The following ASB11 variants were observed in gnomAD, a reference collection of about 807,000 sequenced individuals.
ASB11 encodes the protein ankyrin repeat and SOCS box containing 11, also known as ankyrin repeat and SOCS box protein 11.
In ASB11, 17 loss-of-function variants were observed where a neutral mutation model predicts 20.1. That is an observed-to-expected ratio of 0.85 (90% CI 0.58 to 1.27). ASB11 has a LOEUF of 1.27. Among genes scored for constraint, ASB11 ranks in the 50% most tolerant of loss-of-function variants. The pLI is 0.00. For synonymous variants in ASB11, 107 were observed against 105.6 expected (o/e 1.01, Z -0.08); for missense variants, 259 against 256.9 (o/e 1.01, Z -0.06).
chrX:15,299,879 A>G (rs922750501), intron 2 of ASB11, among the ~76,000 whole-genome samples: 1 of 111,266 alleles, frequency 9.0e-6, no homozygotes, highest in African/African-American at 3.3e-5. Context: ...CCGAACTCCT[A>G]CTTACACGGC....
chrX:15,296,224 G>A (rs1402696050), intron 3 of ASB11, among the ~76,000 whole-genome samples: 1 of 109,355 alleles, frequency 9.1e-6, no homozygotes, highest in South Asian at 4.0e-4. Flanking sequence ...ACTCCAGCTT[G>A]GGCAACAGTG....
In ASB11 at chrX:15,313,480, C is replaced by A. The variant is rs183614805; in HGVS notation, c.181+1945G>T. ...GGGGGGATTCGTGTATATGTATACA[C>A]ACACACACACACATATACATATATA... On this transcript the variant is annotated intron_variant, in intron 1 of 6. Coordinates refer to ENST00000480796, the MANE Select transcript of ASB11 (RefSeq NM_080873.3). 9.8e-3 allele frequency among the ~76,000 whole-genome samples: 1,085 copies of A among 110,535 alleles called. 19 individuals carry two copies. The highest frequency in any genetic ancestry group is 0.034 in the African/African-American group (1,022 of 30,398).
Position 15,283,517 on chromosome X carries a change from G to A in ASB11, c.960C>T (p.Leu320=). ...GGAACACTTAGGACTATTGGTATAGGAGGAATCGTTCGAGTGGCTCTGGCA... is the reference window on the plus strand; with the variant it reads ...GGAACACTTAGGACTATTGGTATAGAAGGAATCGTTCGAGTGGCTCTGGCA... ...LHLPEPLERF[L]LYQ is the part of the protein sequence containing the mutation. Residue 320 remains leucine (L), a synonymous_variant, in exon 7 of 7, where the codon CTC becomes CTT. Transcript: ENST00000480796. 1 of 1,211,417 alleles carries A rather than the reference G, an allele frequency of 8.3e-7. No individual in the cohort carries two copies. Among genetic ancestry groups the A allele is most frequent in the African/African-American group, 1.7e-5 (1 of 57,800 alleles).
rs1004578512 is a variant in ASB11, at chrX:15,282,206, CAT to C, written c.*1297_*1298del. On this transcript the variant is annotated 3_prime_UTR_variant, in exon 7 of 7. Coordinates refer to ENST00000480796, the MANE Select transcript of ASB11 (RefSeq NM_080873.3). Reference sequence around the variant, plus strand: ...CTAGAAAAATTGGGGGAAAAAAAAACATGTGTGAAATGAGTCTTAGGATGATC... The same window carrying C: ...CTAGAAAAATTGGGGGAAAAAAAAACGTGTGAAATGAGTCTTAGGATGATC... 7 of 111,083 alleles carry C rather than the reference CAT, an allele frequency of 6.3e-5. No individual in the cohort carries two copies. Among genetic ancestry groups the C allele is most frequent in the East Asian group, 2.8e-4 (1 of 3,545 alleles). The allele number at this position is 111,083 out of a possible 1,213,427, so 9.2% of individuals were successfully genotyped here.
At chrX:15,305,194 G>T (rs1190260876) in intron 1 of ASB11, among the ~76,000 whole-genome samples, 1 of 111,950 alleles carries the variant, frequency 8.9e-6, no homozygotes, top group Non-Finnish European at 1.9e-5. Flanking sequence ...GTTAACACCA[G>T]TGATGGAACA....
intron 5 of ASB11, among the ~76,000 whole-genome samples, chrX:15,288,885 C>T (rs550716454): frequency 2.9e-3 from 286 of 99,028 alleles, no homozygotes; most frequent in Middle Eastern, 5.1e-3. Context: ...AACTTCATCT[C>T]AAAAAAAAAA....
intron 1 of ASB11, among the ~76,000 whole-genome samples, chrX:15,307,305 T>C (rs1337091116): frequency 8.9e-6 from 1 of 112,077 alleles, no homozygotes. Context: ...CCGTGTGATT[T>C]GGTTTCTATA....
chrX:15,304,146 C>T (rs1389518702), intron 1 of ASB11, among the ~76,000 whole-genome samples: 1 of 112,765 alleles, frequency 8.9e-6, no homozygotes, highest in Non-Finnish European at 1.9e-5. Flanking sequence ...GTGTTAAAAA[C>T]TCAGGTTTCC....
rs773872197 is a variant in ASB11 at position 15,283,603 on chromosome X, G to C, written c.874C>G (p.Arg292Gly). The C allele has an allele frequency of 2.5e-6, 3 of 1,210,059 alleles. No individual in the cohort carries two copies. Among genetic ancestry groups the C allele is most frequent in the Non-Finnish European group, 3.4e-6 (3 of 894,424 alleles). Residue 292 changes from arginine to glycine, a missense_variant, in exon 7 of 7, where the codon CGC becomes GGC. By Grantham distance (125) the Arg-to-Gly change is moderately radical (BLOSUM62 -2). Coordinates refer to ENST00000480796, the MANE Select transcript of ASB11 (RefSeq NM_080873.3). Reference sequence around the variant, plus strand: ...CCGAGACACTTCCGGACACACAGGCGGCAGAGCTGGGAAAGAGCAGGTGGG... The same window carrying C: ...CCGAGACACTTCCGGACACACAGGCCGCAGAGCTGGGAAAGAGCAGGTGGG... ...EGPPALSQLC[R>G]LCVRKCLGRA...
intron 1 of ASB11, among the ~76,000 whole-genome samples, chrX:15,312,427 A>AAAAC (rs1555942370): frequency 9.4e-6 from 1 of 106,053 alleles, no homozygotes; most frequent in East Asian, 2.9e-4. Context: ...CAAAAAAAAA[A>AAAAC]AAAAAAAAAC....
At chrX:15,286,663 C>CAAAAAA (rs764801887) in intron 6 of ASB11, among the ~76,000 whole-genome samples, 3 of 54,377 alleles carry the variant, frequency 5.5e-5, no homozygotes, top group African/African-American at 2.3e-4. Flanking sequence ...GACTCCATCT[C>CAAAAAA]AAAAAAAAAA....
intron 3 of ASB11, among the ~76,000 whole-genome samples, chrX:15,295,490 T>A (rs73447236): frequency 0.017 from 1,891 of 111,826 alleles, 34 homozygotes; most frequent in African/African-American, 0.058. Context: ...ATAAGATGAC[T>A]CTCAGGTTTG....
chrX:15,294,989 C>T (rs1328109813), intron 3 of ASB11, among the ~76,000 whole-genome samples: 3 of 111,989 alleles, frequency 2.7e-5, no homozygotes, highest in Non-Finnish European at 3.8e-5. Context: ...GAACAATTGC[C>T]TCTCCTTGAG....
At chrX:15,305,421 G>A (rs760094945) in intron 1 of ASB11, among the ~76,000 whole-genome samples, 128 of 111,486 alleles carry the variant, frequency 1.1e-3, no homozygotes, top group Non-Finnish European at 1.7e-3. Flanking sequence ...ATGACGAAAC[G>A]CGCTATCTAA....
chrX:15,300,243 G>A (rs5935937), intron 2 of ASB11, among the ~76,000 whole-genome samples: 43,490 of 110,634 alleles, frequency 0.39, 6,043 homozygotes, highest in South Asian at 0.57. Context: ...CATCTAGAGT[G>A]GATCACCTCA....
chrX:15,305,811 G>C lies in ASB11; in HGVS notation c.182-3004C>G, dbSNP rs1458985147. Among the ~76,000 whole-genome samples the C allele has an allele frequency of 2.7e-5, 3 of 111,611 alleles. No homozygotes were observed. In the East Asian group the frequency reaches 8.4e-4, roughly 31 times the overall value. ...CAGGGGTACATGTGCAGGATGTGCA[G>C]GTTTGTTCCATAGGTAAACTTGTGC... On this transcript the variant is annotated intron_variant, in intron 1 of 6. Transcript: ENST00000480796.
intron 1 of ASB11, among the ~76,000 whole-genome samples, chrX:15,306,549 A>G (rs1221756857): frequency 9.1e-6 from 1 of 110,196 alleles, no homozygotes; most frequent in Non-Finnish European, 1.9e-5. Flanking sequence ...CTAAAAATAT[A>G]AAAATTAGCC....
intron 6 of ASB11, among the ~76,000 whole-genome samples, chrX:15,284,251 C>CTAA (rs1927304126): frequency 1.4e-5 from 1 of 72,329 alleles, no homozygotes; most frequent in Non-Finnish European, 2.5e-5. Flanking sequence ...GACTCCGCCT[C>CTAA]AAAAAAAAAA....
rs2147680459 is a variant in ASB11 at position 15,283,365 on chromosome X, T to C, written c.*140A>G. 5.8e-6 allele frequency: 5 copies of C among 863,072 alleles called. No individual in the cohort carries two copies. In the East Asian group the frequency reaches 9.6e-5, roughly 16 times the overall value. 71.1% of individuals were successfully genotyped at this position (863,072 alleles called of 1,213,427 possible). Reference sequence around the variant, plus strand: ...AGGAGTTTCCACTCCTCAAGTGTTCTAGCTCATGGGGGATTTACTTCGACT... The same window carrying C: ...AGGAGTTTCCACTCCTCAAGTGTTCCAGCTCATGGGGGATTTACTTCGACT... On this transcript the variant is annotated 3_prime_UTR_variant, in exon 7 of 7. Transcript: ENST00000480796.
Sources: gnomAD v4.1 joint callset for allele counts (sites outside exome capture counted in the v4.1 genomes callset) on GRCh38, gnomAD v4.1.1 for gene constraint, MANE v1.5 for transcripts, NCBI Gene and HGNC (gene_info 2026-07-23, HGNC 2026-07-21) for gene names.